The following RIC1 variants were observed in gnomAD, a reference collection of about 807,000 sequenced individuals.
RIC1 encodes guanine nucleotide exchange factor subunit RIC1.
A neutral mutation model predicts 169.0 loss-of-function variants in RIC1; 88 were observed. The observed-to-expected ratio is 0.52, with a 90% confidence interval of 0.44 to 0.62. The LOEUF (loss-of-function observed/expected upper bound fraction) is 0.62, where lower values mean the gene tolerates loss of function less well. Among genes scored for constraint, RIC1 ranks in the 20% least tolerant of loss-of-function variants. RIC1 has a pLI of 0.00. For synonymous variants in RIC1, 790 were observed against 601.5 expected (o/e 1.31, Z -4.59); for missense variants, 1,877 against 1,725.5 (o/e 1.09, Z -1.56).
chr9:5,719,857 A>C (rs952844975), intron 4 of RIC1, among the ~76,000 whole-genome samples: 2 of 152,146 alleles, frequency 1.3e-5, no homozygotes, highest in African/African-American at 4.8e-5. Flanking sequence ...GGGTTTATTC[A>C]TTTTATGGTT....
At chr9:5,665,317 G>A (rs1330173132) in intron 2 of RIC1, among the ~76,000 whole-genome samples, 4 of 152,166 alleles carry the variant, frequency 2.6e-5, no homozygotes, top group Non-Finnish European at 1.5e-5. Flanking sequence ...CTCTTTGAAG[G>A]TCTCTAAGAA....
At chr9:5,662,286 T>C (rs980276939) in intron 2 of RIC1, among the ~76,000 whole-genome samples, 1 of 152,122 alleles carries the variant, frequency 6.6e-6, no homozygotes, top group Admixed American at 6.6e-5. Context: ...GGCCTGAGGT[T>C]TTCTTTTTTT....
intron 1 of RIC1, among the ~76,000 whole-genome samples, chr9:5,645,540 A>G (rs1318360992): frequency 1.3e-5 from 2 of 152,176 alleles, no homozygotes; most frequent in African/African-American, 4.8e-5. Context: ...GTACCCTGTA[A>G]ATGGTAATTC....
Position 5,774,083 on chromosome 9 carries a change from C to T in RIC1, c.4109C>T (p.Thr1370Ile), listed in dbSNP as rs1384135756. 1 of 1,613,982 alleles carries T rather than the reference C, an allele frequency of 6.2e-7. No homozygotes were observed. Among genetic ancestry groups the T allele is most frequent in the African/African-American group, 1.3e-5 (1 of 74,926 alleles). ...PITMGKTPEQ[T>I]SPRAEESRGS... ...ACTATGGGTAAGACTCCAGAACAGACTAGCCCCCGGGCAGAGGAGAGCAGG... is the reference window on the plus strand; with the variant it reads ...ACTATGGGTAAGACTCCAGAACAGATTAGCCCCCGGGCAGAGGAGAGCAGG... The change falls in exon 26 of 26, where the codon ACT (threonine) becomes ATT (isoleucine). Residue 1370 changes from threonine to isoleucine, a missense_variant. Transcript: ENST00000414202.
chr9:5,769,352 T>C, intron 22 of RIC1, 96 bp downstream of exon 22: 1 of 1,612,606 alleles, frequency 6.2e-7, no homozygotes, highest in Non-Finnish European at 8.5e-7. Context: ...GGAATTATTT[T>C]CATTCCAAAC....
chr9:5,665,009 T>G (rs1482312498), intron 2 of RIC1, among the ~76,000 whole-genome samples: 1 of 152,210 alleles, frequency 6.6e-6, no homozygotes, highest in African/African-American at 2.4e-5. Flanking sequence ...TTGTCAGTGG[T>G]GTGTTCCAGT....
intron 3 of RIC1, among the ~76,000 whole-genome samples, chr9:5,697,605 A>G (rs573366946): frequency 2.6e-5 from 4 of 152,316 alleles, no homozygotes; most frequent in East Asian, 3.9e-4. Flanking sequence ...ATTCCAGTAA[A>G]CAATGATGAA....
intron 12 of RIC1, among the ~76,000 whole-genome samples, chr9:5,751,453 T>G (rs1239940176): frequency 6.6e-6 from 1 of 151,768 alleles, no homozygotes; most frequent in Non-Finnish European, 1.5e-5. Context: ...CCTCCAGGGT[T>G]CAGGTGATTC....
At chr9:5,757,112 C>T (rs777837131) in intron 16 of RIC1, among the ~76,000 whole-genome samples, 8 of 152,144 alleles carry the variant, frequency 5.3e-5, no homozygotes, top group Non-Finnish European at 7.4e-5. Context: ...TACTCCCTTT[C>T]TTTCTCTCTC....
chr9:5,744,530 T>G (rs946748128), intron 10 of RIC1, among the ~76,000 whole-genome samples: 27 of 152,172 alleles, frequency 1.8e-4, no homozygotes, highest in Non-Finnish European at 2.1e-4. Flanking sequence ...AATACATTCT[T>G]GGGGATGGGA....
At chr9:5,759,755 T>C (rs1454164177) in intron 17 of RIC1, among the ~76,000 whole-genome samples, 1 of 152,184 alleles carries the variant, frequency 6.6e-6, no homozygotes, top group African/African-American at 2.4e-5. Flanking sequence ...CATGTCTTAA[T>C]TGAAAATATT....
At chr9:5,707,215 T>C (rs1822644914) in intron 3 of RIC1, among the ~76,000 whole-genome samples, 1 of 152,194 alleles carries the variant, frequency 6.6e-6, no homozygotes, top group African/African-American at 2.4e-5. Flanking sequence ...TACTGATTTT[T>C]AGTTATATTC....
intron 3 of RIC1, among the ~76,000 whole-genome samples, chr9:5,706,250 G>C (rs1178812020): frequency 2.0e-5 from 3 of 152,122 alleles, no homozygotes; most frequent in Non-Finnish European, 4.4e-5. Context: ...ACGAGGTCAG[G>C]AGATCTAGAC....
At position 5,732,493 on chromosome 9, in the gene RIC1, A is replaced by T. The variant is rs1824428748; in HGVS notation, c.812+14A>T. 14 of 1,549,806 alleles carry T rather than the reference A, an allele frequency of 9.0e-6. No homozygotes were observed. Among genetic ancestry groups the T allele is most frequent in the Non-Finnish European group, 1.2e-5 (14 of 1,141,792 alleles). On this transcript the variant is annotated intron_variant, in intron 7 of 25. Transcript: ENST00000414202. ...TGGCTGTGTGAGGTATAATTGATGT[A>T]GGCTTTTGCATTTTTAAGAGTTGTT...
At chr9:5,760,248 G>A (rs1234265248) in intron 17 of RIC1, among the ~76,000 whole-genome samples, 2 of 152,130 alleles carry the variant, frequency 1.3e-5, no homozygotes, top group East Asian at 1.9e-4. Flanking sequence ...TGAGTTTGGG[G>A]TTCCTTCAAA....
chr9:5,772,922 G>T lies in RIC1; in HGVS notation c.3825G>T (p.Gly1275=). 1 of 1,612,734 alleles carries T rather than the reference G, an allele frequency of 6.2e-7. No homozygotes were observed. Among genetic ancestry groups the T allele is most frequent in the Non-Finnish European group, 8.5e-7 (1 of 1,179,528 alleles). ...TGCTACACATTTTCATGGAGGCAGGGTGCCTAGACTGGTGCATCGTTATAG... is the reference window on the plus strand; with the variant it reads ...TGCTACACATTTTCATGGAGGCAGGTTGCCTAGACTGGTGCATCGTTATAG... ...RYLLHIFMEA[G]CLDWCIVIGL... is the part of the protein sequence containing the mutation. The change falls in exon 25 of 26, where the codon GGG becomes GGT. Residue 1275 remains glycine (G), a synonymous_variant. Coordinates refer to ENST00000414202, the MANE Select transcript of RIC1 (RefSeq NM_020829.4).
Position 5,637,280 on chromosome 9 carries a change from G to A in RIC1, c.144+7827G>A, listed in dbSNP as rs183573337. 4.0e-5 allele frequency among the ~76,000 whole-genome samples: 6 copies of A among 151,822 alleles called. No individual in the cohort carries two copies. The East Asian group carries it at 5.8e-4, about 15-fold the overall frequency. ...GATGGGATTTCACCATGTTGCCCAC[G>A]CTGGTCTTGAACTCCTGAGCTCAAG... On this transcript the variant is annotated intron_variant, in intron 1 of 25. Coordinates refer to ENST00000414202, the MANE Select transcript of RIC1 (RefSeq NM_020829.4).
rs1285121165 is a variant in RIC1, at chr9:5,743,676, T to A, written c.1047-13T>A. On this transcript the variant is annotated splice_polypyrimidine_tract_variant and intron_variant, in intron 9 of 25. Coordinates refer to ENST00000414202, the MANE Select transcript of RIC1 (RefSeq NM_020829.4). The stretch of plus-strand genomic sequence containing the variant: ...GGAAGGCTGTATTATATTTAGTTTC[T>A]GTTCTGTTTCAGTTATAGGTCTGAT... The A allele has an allele frequency of 1.9e-6, 3 of 1,595,482 alleles. No homozygotes were observed. Among genetic ancestry groups the A allele is most frequent in the Non-Finnish European group, 2.6e-6 (3 of 1,165,458 alleles).
At chr9:5,688,631 C>G (rs900801692) in intron 2 of RIC1, among the ~76,000 whole-genome samples, 8 of 152,012 alleles carry the variant, frequency 5.3e-5, no homozygotes, top group African/African-American at 1.5e-4. Context: ...TGTTGAAACT[C>G]TAGTTTCAAA....
Sources: gnomAD v4.1 joint callset for allele counts (sites outside exome capture counted in the v4.1 genomes callset) on GRCh38, gnomAD v4.1.1 for gene constraint, MANE v1.5 for transcripts, NCBI Gene and HGNC (gene_info 2026-07-23, HGNC 2026-07-21) for gene names.